Variants in GAD2 observed in about 807,000 individuals in gnomAD.
The protein encoded by GAD2 is glutamate decarboxylase 2.
In GAD2, 22 loss-of-function variants were observed where a neutral mutation model predicts 80.1. That is an observed-to-expected ratio of 0.27 (90% CI 0.20 to 0.39). The LOEUF (loss-of-function observed/expected upper bound fraction) is 0.39. Ranked by LOEUF, GAD2 falls within the 10% of genes least tolerant of loss-of-function variation. The pLI, the probability that GAD2 is intolerant of heterozygous loss-of-function variation, is 1.00. For missense variants in GAD2, 624 were observed against 738.4 expected (o/e 0.85, Z 1.80); for synonymous variants, 274 against 256.9 (o/e 1.07, Z -0.64).
At chr10:26,281,844 C>T (rs1845275610) in intron 12 of GAD2, among the ~76,000 whole-genome samples, 1 of 152,072 alleles carries the variant, frequency 6.6e-6, no homozygotes, top group Non-Finnish European at 1.5e-5. Flanking sequence ...TTGATGAAAC[C>T]CAAATAAGGA....
chr10:26,270,543 T>C (rs1845122873), intron 9 of GAD2, 97 bp from the exon 10 acceptor site: 2 of 864,366 alleles, frequency 2.3e-6, no homozygotes, highest in Non-Finnish European at 3.9e-6. Context: ...AATTCAGACG[T>C]GTCTGTTAGG....
At position 26,294,336 on chromosome 10, in the gene GAD2, C is replaced by A. The variant is rs990827805; in HGVS notation, c.1584+1345C>A. On this transcript the variant is annotated intron_variant, in intron 15 of 15. Coordinates refer to ENST00000376261, the MANE Select transcript of GAD2 (RefSeq NM_001134366.2). ...TGTAGATATAAAACCTTCACTAAAG[C>A]TTTTATGTGTTAACATCTGTCCTTA... Among the ~76,000 whole-genome samples, 33 of 151,738 alleles carry A rather than the reference C, an allele frequency of 2.2e-4. 1 individual carries two copies. The highest frequency in any genetic ancestry group is 8.0e-4 in the African/African-American group (33 of 41,246).
intron 6 of GAD2, among the ~76,000 whole-genome samples, chr10:26,225,714 T>G (rs907711359): frequency 1.3e-5 from 2 of 152,242 alleles, no homozygotes; most frequent in Admixed American, 1.3e-4. Context: ...CATGTTTGCC[T>G]GCAAGCTCTG....
intron 8 of GAD2, among the ~76,000 whole-genome samples, chr10:26,260,239 T>G (rs1844993557): frequency 6.6e-6 from 1 of 152,236 alleles, no homozygotes; most frequent in African/African-American, 2.4e-5. Flanking sequence ...AAATCTGTTG[T>G]TAAACATTAA....
At chr10:26,267,769 C>T (rs1262335992) in intron 8 of GAD2, among the ~76,000 whole-genome samples, 1 of 149,492 alleles carries the variant, frequency 6.7e-6, no homozygotes, top group Non-Finnish European at 1.5e-5. Flanking sequence ...CTTTATTGGC[C>T]TGAAAAAAAA....
At chr10:26,253,525 A>G (rs531538499) in intron 8 of GAD2, among the ~76,000 whole-genome samples, 3 of 152,250 alleles carry the variant, frequency 2.0e-5, no homozygotes, top group Non-Finnish European at 2.9e-5. Context: ...CTGAGCAAAA[A>G]GATGTTTCCC....
intron 7 of GAD2, among the ~76,000 whole-genome samples, chr10:26,242,218 C>A (rs1340971336): frequency 1.3e-5 from 2 of 152,148 alleles, no homozygotes; most frequent in Non-Finnish European, 2.9e-5. Flanking sequence ...GATCTCCTGA[C>A]CTCGTGATCC....
intron 8 of GAD2, among the ~76,000 whole-genome samples, chr10:26,256,231 G>T (rs1379596302): frequency 6.6e-6 from 1 of 151,654 alleles, no homozygotes; most frequent in Non-Finnish European, 1.5e-5. Context: ...AATTATATAT[G>T]TATGTATATA....
At position 26,229,792 on chromosome 10, in the gene GAD2, T is replaced by C. The variant is rs758438537; in HGVS notation, c.840+15T>C. On this transcript the variant is annotated intron_variant, in intron 7 of 15. Coordinates refer to ENST00000376261, the MANE Select transcript of GAD2 (RefSeq NM_001134366.2). ...CGTCTGAACATGTATGTGTTTCTTT[T>C]CCTTGCAAGTTTAAGGTTATGTTCC... 2 of 1,576,806 alleles carry C rather than the reference T, an allele frequency of 1.3e-6. No homozygotes were observed. Among genetic ancestry groups the C allele is most frequent in the African/African-American group, 1.3e-5 (1 of 74,158 alleles).
intron 12 of GAD2, among the ~76,000 whole-genome samples, chr10:26,283,006 A>G (rs573142781): frequency 6.6e-6 from 1 of 152,372 alleles, no homozygotes; most frequent in Admixed American, 6.5e-5. Context: ...AGGAGAAAAT[A>G]AATTTTTGTT....
intron 12 of GAD2, among the ~76,000 whole-genome samples, chr10:26,282,038 G>T (rs1845277956): frequency 6.6e-6 from 1 of 152,132 alleles, no homozygotes; most frequent in Admixed American, 6.5e-5. Flanking sequence ...TGCCTCCTGA[G>T]TTCAAGCGAT....
chr10:26,292,508 T>C lies in GAD2; in HGVS notation c.1430T>C (p.Leu477Ser). The C allele has an allele frequency of 6.2e-7, 1 of 1,614,104 alleles. No homozygotes were observed. The highest frequency in any genetic ancestry group is 8.5e-7 in the Non-Finnish European group (1 of 1,179,980). ...GCGCATGTTGATAAATGTTTGGAGT[T>C]GGCAGAGTATTTATACAACATCATA... ...FEAHVDKCLE[L>S]AEYLYNIIKN... is the part of the protein sequence containing the mutation. The change falls in exon 14 of 16, where the codon TTG becomes TCG. Residue 477 changes from leucine (L) to serine (S), a missense_variant. Transcript: ENST00000376261.
chr10:26,226,246 A>G (rs1405820149), intron 6 of GAD2, among the ~76,000 whole-genome samples: 3 of 152,178 alleles, frequency 2.0e-5, no homozygotes, highest in African/African-American at 7.2e-5. Flanking sequence ...TGAAAAACCT[A>G]CATGCCCCAG....
chr10:26,238,730 A>G (rs1000777539), intron 7 of GAD2, among the ~76,000 whole-genome samples: 5 of 152,202 alleles, frequency 3.3e-5, no homozygotes, highest in Non-Finnish European at 7.3e-5. Flanking sequence ...TTAGAAACCA[A>G]TGAGGTGGTC....
At chr10:26,224,815 A>G (rs1445738577) in intron 6 of GAD2, 164 bp downstream of exon 6, 2 of 591,132 alleles carry the variant, frequency 3.4e-6, no homozygotes, top group Non-Finnish European at 6.0e-6. Flanking sequence ...ACCATTGAAC[A>G]TGCCTCCAAG....
chr10:26,292,186 A>T (rs1834223344), intron 13 of GAD2, among the ~76,000 whole-genome samples: 1 of 152,152 alleles, frequency 6.6e-6, no homozygotes, highest in Non-Finnish European at 1.5e-5. Flanking sequence ...GCAGAGGCAC[A>T]TTTTCCTCTT....
chr10:26,248,449 C>T (rs1450491379), intron 8 of GAD2, among the ~76,000 whole-genome samples: 1 of 152,176 alleles, frequency 6.6e-6, no homozygotes, highest in Non-Finnish European at 1.5e-5. Flanking sequence ...CTGAGGTTTA[C>T]GTACCAGCCA....
At position 26,217,330 on chromosome 10, in the gene GAD2, C is replaced by A. The variant is rs897572193; in HGVS notation, c.77-280C>A. Among the ~76,000 whole-genome samples, 4 of 152,096 alleles carry A rather than the reference C, an allele frequency of 2.6e-5. No homozygotes were observed. Among genetic ancestry groups the A allele is most frequent in the Non-Finnish European group, 5.9e-5 (4 of 68,006 alleles). On this transcript the variant is annotated intron_variant, in intron 1 of 15. Coordinates refer to ENST00000376261, the MANE Select transcript of GAD2 (RefSeq NM_001134366.2). The surrounding 1 kb of genome is among the most constrained non-coding windows in gnomAD (Gnocchi z 4.9). ...TTTAGGAAAACTCGTCCAAGGTAGGCAGGGAGAGGAATTTGCCTGAGCCGA... is the reference window on the plus strand; with the variant it reads ...TTTAGGAAAACTCGTCCAAGGTAGGAAGGGAGAGGAATTTGCCTGAGCCGA...
chr10:26,295,170 C>T (rs757049786), intron 15 of GAD2, among the ~76,000 whole-genome samples: 27 of 152,076 alleles, frequency 1.8e-4, no homozygotes, highest in Non-Finnish European at 3.2e-4. Flanking sequence ...TAGGTTTCAG[C>T]ACCTCATATG....
Sources: allele counts gnomAD v4.1 joint callset (sites outside exome capture counted in the v4.1 genomes callset), GRCh38; gene constraint gnomAD v4.1.1; non-coding constraint Gnocchi (gnomAD v3.1); transcripts MANE v1.5; gene names NCBI Gene and HGNC (gene_info 2026-07-23, HGNC 2026-07-21).